ARHGEF28: variants seen among roughly 807,000 people sequenced by gnomAD.
ARHGEF28 encodes the protein Rho guanine nucleotide exchange factor 28.
ARHGEF28 carries 152 observed loss-of-function variants against 206.6 expected under a neutral mutation model. The ratio of observed to expected loss-of-function variants is 0.74; its 90% CI spans 0.64 to 0.84. The LOEUF (loss-of-function observed/expected upper bound fraction) is 0.84. Ranked by LOEUF, ARHGEF28 falls within the 40% of genes least tolerant of loss-of-function variation. ARHGEF28 has a pLI of 0.00. For synonymous variants in ARHGEF28, 763 were observed against 776.4 expected (o/e 0.98, Z 0.29); for missense variants, 2,028 against 2,073.2 (o/e 0.98, Z 0.42).
chr5:73,838,704 G>GA (rs1347120699), intron 10 of ARHGEF28, among the ~76,000 whole-genome samples: 1 of 152,102 alleles, frequency 6.6e-6, no homozygotes, highest in Non-Finnish European at 1.5e-5. Context: ...AAGAATAAAT[G>GA]AAAAATATGG....
chr5:73,641,403 G>GGTTTTTTT (rs1561302852), intron 1 of ARHGEF28, among the ~76,000 whole-genome samples: 1 of 145,544 alleles, frequency 6.9e-6, no homozygotes, highest in Non-Finnish European at 1.5e-5. Flanking sequence ...CAGGGGAAAG[G>GGTTTTTTT]CTTTTTTTTT....
chr5:73,884,444 A>C (rs1326913281), intron 24 of ARHGEF28, among the ~76,000 whole-genome samples: 1 of 152,216 alleles, frequency 6.6e-6, no homozygotes, highest in Non-Finnish European at 1.5e-5. Context: ...TGAATCTTCA[A>C]TGTCTAGTGC....
At chr5:73,750,586 T>C (rs1393177697) in intron 3 of ARHGEF28, among the ~76,000 whole-genome samples, 1 of 152,130 alleles carries the variant, frequency 6.6e-6, no homozygotes, top group Non-Finnish European at 1.5e-5. Flanking sequence ...TCTTGATAGA[T>C]GACAAATTAA....
Position 73,691,291 on chromosome 5 carries a change from A to G in ARHGEF28, c.33+6407A>G, listed in dbSNP as rs1006903097. 3.3e-5 allele frequency among the ~76,000 whole-genome samples: 3 copies of G among 91,418 alleles called. No homozygotes were observed. The South Asian group carries it at 1.1e-3, about 32-fold the overall frequency. The allele number at this position is 91,418 out of a possible 152,430, so 60.0% of individuals were successfully genotyped here. On this transcript the variant is annotated intron_variant, in intron 2 of 35. Coordinates refer to ENST00000513042, the MANE Select transcript of ARHGEF28 (RefSeq NM_001177693.2). ...GTAAACACTAAAATTTGTTTGGCAAATGTGTACACACACACACACACACAC... is the reference window on the plus strand; with the variant it reads ...GTAAACACTAAAATTTGTTTGGCAAGTGTGTACACACACACACACACACAC...
chr5:73,838,419 C>T (rs1040069911), intron 10 of ARHGEF28, among the ~76,000 whole-genome samples: 19 of 152,148 alleles, frequency 1.2e-4, no homozygotes, highest in African/African-American at 4.6e-4. Flanking sequence ...ACATTACTAG[C>T]TTATATTAAT....
chr5:73,699,417 GGAGA>G (rs780808542), intron 2 of ARHGEF28, among the ~76,000 whole-genome samples: 7 of 151,996 alleles, frequency 4.6e-5, no homozygotes, highest in Non-Finnish European at 7.4e-5. Flanking sequence ...AGGGGAGAGA[GGAGA>G]GAGAGATTGA....
intron 2 of ARHGEF28, among the ~76,000 whole-genome samples, chr5:73,747,964 T>G (rs1440329757): frequency 6.6e-6 from 1 of 152,220 alleles, no homozygotes; most frequent in Admixed American, 6.5e-5. Flanking sequence ...TTTGAATAGA[T>G]GCAGATTAGA....
At chr5:73,904,467 T>C in intron 33 of ARHGEF28, 62 bp downstream of exon 33, 1 of 1,491,914 alleles carries the variant, frequency 6.7e-7, no homozygotes. Context: ...TTCTCTTTGA[T>C]GATTCCCAGA....
chr5:73,878,849 C>T (rs1760714230), intron 22 of ARHGEF28, among the ~76,000 whole-genome samples: 1 of 151,632 alleles, frequency 6.6e-6, no homozygotes, highest in South Asian at 2.1e-4. Context: ...TCTCTGGCTG[C>T]CCTTAACATT....
At position 73,894,157 on chromosome 5, in the gene ARHGEF28, C is replaced by A. The variant is rs1334709766; in HGVS notation, c.3659-236C>A. ...TGGAAGTAGGGGACTGAGAAAGGAA[C>A]CTTATTTACAGAAAAGACAATGGAA... On this transcript the variant is annotated intron_variant, in intron 28 of 35. Transcript: ENST00000513042. 2.0e-5 allele frequency among the ~76,000 whole-genome samples: 3 copies of A among 152,120 alleles called. No individual in the cohort carries two copies. The South Asian group carries it at 6.2e-4, about 31-fold the overall frequency.
At chr5:73,753,343 T>C in intron 4 of ARHGEF28, 141 bp downstream of exon 4, 1 of 862,124 alleles carries the variant, frequency 1.2e-6, no homozygotes, top group South Asian at 2.3e-5. Context: ...AGGGGCTCCC[T>C]GAGGTCCTGA....
At chr5:73,806,369 A>G (rs1029041076) in intron 9 of ARHGEF28, among the ~76,000 whole-genome samples, 1 of 58,880 alleles carries the variant, frequency 1.7e-5, no homozygotes, top group South Asian at 9.4e-4. Context: ...CTATCTATAT[A>G]TACTATATAT....
At chr5:73,653,444 A>G (rs1443196771) in intron 1 of ARHGEF28, among the ~76,000 whole-genome samples, 3 of 152,296 alleles carry the variant, frequency 2.0e-5, no homozygotes, top group Admixed American at 1.3e-4. Flanking sequence ...TAGGAGTTTG[A>G]GGATATATGC....
intron 2 of ARHGEF28, among the ~76,000 whole-genome samples, chr5:73,737,500 T>G (rs1232707972): frequency 1.6e-5 from 2 of 125,254 alleles, no homozygotes; most frequent in Non-Finnish European, 3.2e-5. Context: ...TTCTTTTCTT[T>G]TCTTTTCTTT....
At chr5:73,911,745 C>A in intron 35 of ARHGEF28, 170 bp downstream of exon 35, 1 of 710,290 alleles carries the variant, frequency 1.4e-6, no homozygotes, top group Non-Finnish European at 2.3e-6. Flanking sequence ...CTGGGGACAG[C>A]CTTTGCTTGT....
chr5:73,716,969 C>A (rs974525516), intron 2 of ARHGEF28, among the ~76,000 whole-genome samples: 1 of 152,004 alleles, frequency 6.6e-6, no homozygotes, highest in Non-Finnish European at 1.5e-5. Context: ...AAAAAGGATA[C>A]TGCTGCTTTT....
intron 35 of ARHGEF28, among the ~76,000 whole-genome samples, chr5:73,920,039 G>A (rs529954979): frequency 6.6e-6 from 1 of 152,254 alleles, no homozygotes; most frequent in East Asian, 1.9e-4. Flanking sequence ...AGGAGTCCAG[G>A]TCCACACTCA....
In ARHGEF28 at chr5:73,941,066, C is replaced by G; in HGVS notation, c.*53C>G. The G allele has an allele frequency of 7.1e-7, 1 of 1,409,420 alleles. No homozygotes were observed. Among genetic ancestry groups the G allele is most frequent in the Non-Finnish European group, 9.2e-7 (1 of 1,083,586 alleles). 87.3% of individuals were successfully genotyped at this position (1,409,420 alleles called of 1,614,324 possible). ...AAAACACTGGCACTTTTGGGAGAAA[C>G]TTTTTGTCTCCATTCCTTATGTATG... is the stretch of plus-strand genomic sequence containing the variant. On this transcript the variant is annotated 3_prime_UTR_variant, in exon 36 of 36. Transcript: ENST00000513042.
chr5:73,682,468 A>G (rs1231972346), intron 1 of ARHGEF28, among the ~76,000 whole-genome samples: 1 of 146,832 alleles, frequency 6.8e-6, no homozygotes, highest in Non-Finnish European at 1.5e-5. Flanking sequence ...CCCAGGCTGG[A>G]GTACAATGGC....
Sources: gnomAD v4.1 joint callset for allele counts (sites outside exome capture counted in the v4.1 genomes callset) on GRCh38, gnomAD v4.1.1 for gene constraint, MANE v1.5 for transcripts, NCBI Gene and HGNC (gene_info 2026-07-23, HGNC 2026-07-21) for gene names.